PDZRN3: variants seen among roughly 807,000 people sequenced by gnomAD.
PDZRN3 encodes PDZ domain containing ring finger 3.
In PDZRN3, 38 loss-of-function variants were observed where a neutral mutation model predicts 85.7. The ratio of observed to expected loss-of-function variants is 0.44; its 90% CI spans 0.34 to 0.58. The LOEUF is 0.58. Among genes scored for constraint, PDZRN3 ranks in the 20% least tolerant of loss-of-function variants. PDZRN3 has a pLI of 0.01. For missense variants in PDZRN3, 1,629 were observed against 1,506.4 expected, an observed-to-expected ratio of 1.08 and a Z score of -1.35; for synonymous variants, 759 against 638.0, an observed-to-expected ratio of 1.19 and a Z score of -2.86.
intron 3 of PDZRN3, among the ~76,000 whole-genome samples, chr3:73,446,080 A>G (rs576334057): frequency 4.6e-5 from 7 of 152,338 alleles, no homozygotes; most frequent in Admixed American, 4.6e-4. Flanking sequence ...TCAACTAGAA[A>G]GCTGATAAGT....
chr3:73,514,120 C>T (rs1178345170), intron 3 of PDZRN3, among the ~76,000 whole-genome samples: 2 of 152,108 alleles, frequency 1.3e-5, no homozygotes, highest in Admixed American at 1.3e-4. Context: ...CTTAGAAGTA[C>T]TTGTGTTGTC....
chr3:73,549,085 A>G (rs1223298095), intron 3 of PDZRN3, among the ~76,000 whole-genome samples: 3 of 152,172 alleles, frequency 2.0e-5, no homozygotes, highest in Non-Finnish European at 4.4e-5. Flanking sequence ...CACAACTACA[A>G]TCACTTTCTG....
chr3:73,589,012 A>G (rs1702316986), intron 3 of PDZRN3, among the ~76,000 whole-genome samples: 1 of 151,818 alleles, frequency 6.6e-6, no homozygotes, highest in Admixed American at 6.6e-5. Flanking sequence ...TTGAATATTC[A>G]TAAAACAGTT....
chr3:73,582,135 A>G (rs1354663255), intron 3 of PDZRN3, among the ~76,000 whole-genome samples: 1 of 152,166 alleles, frequency 6.6e-6, no homozygotes, highest in Non-Finnish European at 1.5e-5. Context: ...TCATATGTGT[A>G]CATGTGTTTC....
At chr3:73,469,183 C>A (rs1703284495) in intron 3 of PDZRN3, among the ~76,000 whole-genome samples, 1 of 151,782 alleles carries the variant, frequency 6.6e-6, no homozygotes, top group Admixed American at 6.6e-5. Flanking sequence ...AAGCAATTCT[C>A]TGACTCAGCC....
At chr3:73,557,467 A>C (rs1301755514) in intron 3 of PDZRN3, among the ~76,000 whole-genome samples, 1 of 152,206 alleles carries the variant, frequency 6.6e-6, no homozygotes, top group Non-Finnish European at 1.5e-5. Context: ...TGTGGCAATA[A>C]AATTGAGCAT....
intron 3 of PDZRN3, among the ~76,000 whole-genome samples, chr3:73,477,919 A>G (rs1487260929): frequency 6.6e-6 from 1 of 152,208 alleles, no homozygotes; most frequent in African/African-American, 2.4e-5. Flanking sequence ...GTATAAAACC[A>G]TCAGATCTTG....
intron 3 of PDZRN3, among the ~76,000 whole-genome samples, chr3:73,415,478 T>TA (rs1702059804): frequency 6.6e-6 from 1 of 152,198 alleles, no homozygotes. Flanking sequence ...ACTTAAGATG[T>TA]ACAGCATATT....
At chr3:73,620,973 A>C (rs1480164793) in intron 1 of PDZRN3, among the ~76,000 whole-genome samples, 1 of 152,258 alleles carries the variant, frequency 6.6e-6, no homozygotes, top group East Asian at 1.9e-4. Context: ...GAAGACCAAT[A>C]CATGTTTGGT....
At chr3:73,513,577 T>C (rs1704205584) in intron 3 of PDZRN3, among the ~76,000 whole-genome samples, 1 of 152,162 alleles carries the variant, frequency 6.6e-6, no homozygotes, top group Non-Finnish European at 1.5e-5. Flanking sequence ...CAGCCACTGT[T>C]TTCTCTCTCT....
chr3:73,600,304 A>AACACAC (rs35396413), intron 3 of PDZRN3, among the ~76,000 whole-genome samples: 165 of 124,474 alleles, frequency 1.3e-3, no homozygotes, highest in African/African-American at 5.1e-3. Flanking sequence ...TTAGTAATGA[A>AACACAC]ACACACACAC....
chr3:73,567,638 G>A (rs1336513192), intron 3 of PDZRN3, among the ~76,000 whole-genome samples: 2 of 152,074 alleles, frequency 1.3e-5, no homozygotes, highest in Non-Finnish European at 2.9e-5. Flanking sequence ...TACACATATT[G>A]AAGTCTAAAC....
Position 73,404,395 on chromosome 3 carries a change from C to T in PDZRN3, c.919G>A (p.Val307Ile), listed in dbSNP as rs1306293210. 2 of 1,609,742 alleles carry T rather than the reference C, an allele frequency of 1.2e-6. No homozygotes were observed. The highest frequency in any genetic ancestry group is 1.3e-5 in the African/African-American group (1 of 74,632). The change falls in exon 4 of 10, where the codon GTC becomes ATC. Residue 307 changes from valine to isoleucine, a missense_variant and splice_region_variant. By Grantham distance (29) the Val-to-Ile change is conservative. Coordinates refer to ENST00000263666, the MANE Select transcript of PDZRN3 (RefSeq NM_015009.3). The stretch of plus-strand genomic sequence containing the variant: ...GCTCTGGATAAGTCTCTGCCGTTGA[C>T]CTGTGGAAAAATATTTAGGGTGGGA... ...GLQIHDRIIEVNGRDLSRATH... is the reference protein window; with the variant it reads ...GLQIHDRIIEINGRDLSRATH...
chr3:73,560,507 A>C (rs1701793990), intron 3 of PDZRN3, among the ~76,000 whole-genome samples: 1 of 152,234 alleles, frequency 6.6e-6, no homozygotes, highest in African/African-American at 2.4e-5. Flanking sequence ...GTGGTGGAAG[A>C]ACCGGGAAAT....
Position 73,467,573 on chromosome 3 carries a change from C to G in PDZRN3, c.919-63178G>C, listed in dbSNP as rs141272833. Among the ~76,000 whole-genome samples, 188 of 152,280 alleles carry G rather than the reference C, an allele frequency of 1.2e-3. 3 individuals are homozygous for G. Among genetic ancestry groups the G allele is most frequent in the African/African-American group, 4.0e-3 (166 of 41,562 alleles). The stretch of plus-strand genomic sequence containing the variant: ...AAGAGGGTTTGGCTTTATCAAATGT[C>G]TTACCATCTTCCAGATTATGAAAGA... On this transcript the variant is annotated intron_variant, in intron 3 of 9. Coordinates refer to ENST00000263666, the MANE Select transcript of PDZRN3 (RefSeq NM_015009.3).
intron 3 of PDZRN3, chr3:73,433,898 C>T (rs1479631545): frequency 2.8e-6 from 4 of 1,430,262 alleles, no homozygotes; most frequent in Non-Finnish European, 3.6e-6. Flanking sequence ...TCCCTTCCTC[C>T]CCTCGCAGCA....
chr3:73,577,653 T>C (rs1034697615), intron 3 of PDZRN3, among the ~76,000 whole-genome samples: 1 of 152,170 alleles, frequency 6.6e-6, no homozygotes, highest in South Asian at 2.1e-4. Context: ...TCCTGTGGGA[T>C]GTCTCTTGAT....
chr3:73,522,456 G>A (rs1038201943), intron 3 of PDZRN3, among the ~76,000 whole-genome samples: 3 of 152,142 alleles, frequency 2.0e-5, no homozygotes, highest in Non-Finnish European at 2.9e-5. Flanking sequence ...TGCATTTATC[G>A]CCATGCTATG....
chr3:73,479,475 C>T (rs929875066), intron 3 of PDZRN3, among the ~76,000 whole-genome samples: 1 of 152,180 alleles, frequency 6.6e-6, no homozygotes, highest in African/African-American at 2.4e-5. Context: ...CGAGGGGAGT[C>T]ATCCACCAGC....
Sources: allele counts gnomAD v4.1 joint callset (sites outside exome capture counted in the v4.1 genomes callset), GRCh38; gene constraint gnomAD v4.1.1; transcripts MANE v1.5; gene names NCBI Gene and HGNC (gene_info 2026-07-23, HGNC 2026-07-21).